Variants in TMEM98 observed in about 807,000 individuals in gnomAD.
TMEM98 encodes transmembrane protein 98.
A neutral mutation model predicts 25.0 loss-of-function variants in TMEM98; 18 were observed. That is an observed-to-expected ratio of 0.72 (90% CI 0.50 to 1.07). The LOEUF (loss-of-function observed/expected upper bound fraction) is 1.07. Among genes scored for constraint, TMEM98 ranks in the 50% least tolerant of loss-of-function variants. The pLI is 0.00. For missense variants in TMEM98, 241 were observed against 289.0 expected, an observed-to-expected ratio of 0.83 and a Z score of 1.20; for synonymous variants, 103 against 112.4, an observed-to-expected ratio of 0.92 and a Z score of 0.53.
chr17:32,936,306 C>T, intron 5 of TMEM98, 26 bp from the exon 6 acceptor site: 1 of 1,598,418 alleles, frequency 6.3e-7, no homozygotes, highest in Non-Finnish European at 8.6e-7. Context: ...GGTCAGCCCT[C>T]ATCTCTCTCC....
chr17:32,939,982 T>G (rs771729418), intron 7 of TMEM98, among the ~76,000 whole-genome samples: 3 of 152,228 alleles, frequency 2.0e-5, no homozygotes, highest in Non-Finnish European at 4.4e-5. Context: ...GACATGCGCA[T>G]ACACAGAGTG....
chr17:32,931,367 C>G lies in TMEM98; in HGVS notation c.-90C>G, dbSNP rs1384405195. On this transcript the variant is annotated 5_prime_UTR_variant, in exon 2 of 8. Transcript: ENST00000579849. The stretch of plus-strand genomic sequence containing the variant: ...CAGGTGTCGTGGAGGAACCTAGCAC[C>G]TGCCATCCTCTTCCCCAATTTGCCA... The G allele has an allele frequency of 1.1e-6, 1 of 902,916 alleles. No homozygotes were observed. The highest frequency in any genetic ancestry group is 1.6e-6 in the Non-Finnish European group (1 of 613,358). The allele number at this position is 902,916 out of a possible 1,614,324, so 55.9% of individuals were successfully genotyped here. A position where few individuals can be genotyped will look rare whatever the true frequency, so the allele number is the denominator to read the frequency against.
intron 7 of TMEM98, among the ~76,000 whole-genome samples, chr17:32,940,237 G>A (rs768357618): frequency 1.3e-5 from 2 of 151,992 alleles, no homozygotes; most frequent in South Asian, 2.1e-4. Flanking sequence ...CCATATAAAA[G>A]GTATTCTACA....
Position 32,933,156 on chromosome 17 carries a change from G to C in TMEM98, c.132-18G>C, listed in dbSNP as rs751899282. On this transcript the variant is annotated intron_variant, in intron 3 of 7. Transcript: ENST00000579849. ...GTCACCCACCATGAAACCATTTAAC[G>C]GGGGCCTTTTCTTCCAGGCCCATTG... 1.4e-5 allele frequency: 23 copies of C among 1,613,410 alleles called. 1 individual carries two copies. In the South Asian group the frequency reaches 2.1e-4, roughly 15 times the overall value.
At chr17:32,928,837 TCA>T (rs779982120) in intron 1 of TMEM98, among the ~76,000 whole-genome samples, 5 of 138,524 alleles carry the variant, frequency 3.6e-5, no homozygotes, top group African/African-American at 5.9e-5. Context: ...AACACTCAGC[TCA>T]CACACAGAAG....
At position 32,939,467 on chromosome 17, in the gene TMEM98, C is replaced by T. The variant is rs1371745664; in HGVS notation, c.414-10C>T. ...AAGTGAAGTACTGAACACCTTTTGCCTCCGGTCAGGGTGGATGATGTTGTG... is the reference window on the plus strand; with the variant it reads ...AAGTGAAGTACTGAACACCTTTTGCTTCCGGTCAGGGTGGATGATGTTGTG... On this transcript the variant is annotated splice_polypyrimidine_tract_variant and intron_variant, in intron 6 of 7. Transcript: ENST00000579849. The T allele has an allele frequency of 6.2e-7, 1 of 1,613,000 alleles. No individual in the cohort carries two copies. The highest frequency in any genetic ancestry group is 2.2e-5 in the East Asian group (1 of 44,872).
Position 32,931,627 on chromosome 17 carries a change from G to A in TMEM98, c.99G>A (p.Arg33=). The A allele has an allele frequency of 1.9e-6, 3 of 1,605,306 alleles. No homozygotes were observed. The highest frequency in any genetic ancestry group is 1.7e-6 in the Non-Finnish European group (2 of 1,176,500). ...TGGTTTGCAGGCAGCGCTACTGCCG[G>A]CCGCGAGACCTGCTGCAGCGCTATG... is the stretch of plus-strand genomic sequence containing the variant. ...LVLVCRQRYC[R]PRDLLQRYDS... is the part of the protein sequence containing the mutation. Residue 33 remains arginine, a synonymous_variant, in exon 3 of 8, where the codon CGG becomes CGA. Transcript: ENST00000579849.
chr17:32,940,306 T>C (rs186881298), intron 7 of TMEM98, among the ~76,000 whole-genome samples: 7 of 152,342 alleles, frequency 4.6e-5, no homozygotes, highest in Admixed American at 1.3e-4. Flanking sequence ...TACATTTTTT[T>C]TTTTGAGTTG....
chr17:32,934,484 C>T (rs1349288248), intron 5 of TMEM98, 160 bp downstream of exon 5: 4 of 686,014 alleles, frequency 5.8e-6, no homozygotes. Context: ...CCCCCCCTGC[C>T]TGGACTGGCT....
chr17:32,939,860 A>G (rs909028979), intron 7 of TMEM98, among the ~76,000 whole-genome samples: 2 of 152,194 alleles, frequency 1.3e-5, no homozygotes, highest in Non-Finnish European at 2.9e-5. Context: ...GTACCCCAGA[A>G]GCAGACATGC....
chr17:32,931,426 CT>C, intron 2 of TMEM98, 24 bp downstream of exon 2: 5 of 1,483,008 alleles, frequency 3.4e-6, no homozygotes, highest in Non-Finnish European at 4.5e-6. Flanking sequence ...GTCCCACTCT[CT>C]TTCGTGGCTT....
chr17:32,932,283 T>G (rs964675674), intron 3 of TMEM98, among the ~76,000 whole-genome samples: 33 of 151,984 alleles, frequency 2.2e-4, no homozygotes, highest in Admixed American at 8.5e-4. Flanking sequence ...GTATTTTTAG[T>G]AGAGACGGGG....
intron 1 of TMEM98, among the ~76,000 whole-genome samples, chr17:32,929,941 C>T (rs930414360): frequency 1.5e-4 from 23 of 152,008 alleles, no homozygotes; most frequent in African/African-American, 4.6e-4. Context: ...CCTCTCCCAC[C>T]AACTCCTTAA....
chr17:32,934,685 C>G (rs1234131405), intron 5 of TMEM98, among the ~76,000 whole-genome samples: 2 of 152,198 alleles, frequency 1.3e-5, no homozygotes, highest in African/African-American at 4.8e-5. Context: ...CACTCATTTT[C>G]ACTAACAGAG....
At chr17:32,931,944 C>G (rs1312655092) in intron 3 of TMEM98, among the ~76,000 whole-genome samples, 1 of 152,160 alleles carries the variant, frequency 6.6e-6, no homozygotes, top group African/African-American at 2.4e-5. Flanking sequence ...AACTGGCCAC[C>G]TCACTTAGCA....
At chr17:32,928,806 C>T (rs1304513943) in intron 1 of TMEM98, among the ~76,000 whole-genome samples, 1 of 147,152 alleles carries the variant, frequency 6.8e-6, no homozygotes, top group African/African-American at 2.7e-5. Context: ...GAAACACACG[C>T]ACTCAGAAGC....
At chr17:32,938,223 C>G (rs968530634) in intron 6 of TMEM98, among the ~76,000 whole-genome samples, 9 of 152,212 alleles carry the variant, frequency 5.9e-5, no homozygotes, top group Admixed American at 4.6e-4. Flanking sequence ...ACACTTCTTT[C>G]TCCTTCTGGC....
Position 32,941,071 on chromosome 17 carries a change from C to A in TMEM98, c.*78C>A. On this transcript the variant is annotated 3_prime_UTR_variant, in exon 8 of 8. Transcript: ENST00000579849. ...GCTCAGCTTAGCCTTCTACTTTTTCCTATAGAGTTAGTTGTTCTCCACGGC... is the reference window on the plus strand; with the variant it reads ...GCTCAGCTTAGCCTTCTACTTTTTCATATAGAGTTAGTTGTTCTCCACGGC... 5 of 1,276,192 alleles carry A rather than the reference C, an allele frequency of 3.9e-6. No homozygotes were observed. Among genetic ancestry groups the A allele is most frequent in the Non-Finnish European group, 4.3e-6 (4 of 932,028 alleles). 79.1% of individuals were successfully genotyped at this position (1,276,192 alleles called of 1,614,324 possible).
Position 32,931,361 on chromosome 17 carries a change from T to C in TMEM98, c.-96T>C. On this transcript the variant is annotated 5_prime_UTR_variant, in exon 2 of 8. Coordinates refer to ENST00000579849, the MANE Select transcript of TMEM98 (RefSeq NM_015544.3). Reference sequence around the variant, plus strand: ...TCTCTGCAGGTGTCGTGGAGGAACCTAGCACCTGCCATCCTCTTCCCCAAT... The same window carrying C: ...TCTCTGCAGGTGTCGTGGAGGAACCCAGCACCTGCCATCCTCTTCCCCAAT... 3 of 837,700 alleles carry C rather than the reference T, an allele frequency of 3.6e-6. No homozygotes were observed. The highest frequency in any genetic ancestry group is 5.4e-6 in the Non-Finnish European group (3 of 556,062). The allele number at this position is 837,700 out of a possible 1,614,324, so 51.9% of individuals were successfully genotyped here. A position where few individuals can be genotyped will look rare whatever the true frequency, so the allele number is the denominator to read the frequency against.
Sources: allele counts gnomAD v4.1 joint callset (sites outside exome capture counted in the v4.1 genomes callset), GRCh38; gene constraint gnomAD v4.1.1; transcripts MANE v1.5; gene names NCBI Gene and HGNC (gene_info 2026-07-23, HGNC 2026-07-21).